Variants in PRKCA observed in about 807,000 individuals in gnomAD.
PRKCA encodes the protein protein kinase C alpha.
Under a neutral mutation model 87.0 loss-of-function variants are expected in PRKCA, and 27 were observed. That is an observed-to-expected ratio of 0.31 (90% CI 0.23 to 0.43). PRKCA has a LOEUF of 0.43. Among genes scored for constraint, PRKCA ranks in the 20% least tolerant of loss-of-function variants. The pLI is 1.00. For synonymous variants in PRKCA, 329 were observed against 311.1 expected, an observed-to-expected ratio of 1.06 and a Z score of -0.61; for missense variants, 518 against 852.3, an observed-to-expected ratio of 0.61 and a Z score of 4.88.
intron 5 of PRKCA, among the ~76,000 whole-genome samples, chr17:66,674,229 G>T (rs1487123697): frequency 6.6e-6 from 1 of 152,236 alleles, no homozygotes; most frequent in Non-Finnish European, 1.5e-5. Context: ...GGCTAGGCTG[G>T]CAGGAGAGTG....
chr17:66,327,168 C>T (rs1339851831), intron 2 of PRKCA, among the ~76,000 whole-genome samples: 1 of 151,846 alleles, frequency 6.6e-6, no homozygotes, highest in African/African-American at 2.4e-5. Context: ...CAGGAGAGAC[C>T]ATCCTGGCTA....
chr17:66,335,425 A>G (rs1906601698), intron 2 of PRKCA, among the ~76,000 whole-genome samples: 1 of 151,946 alleles, frequency 6.6e-6, no homozygotes, highest in Admixed American at 6.6e-5. Flanking sequence ...GAGAGCCTCT[A>G]CACATAGTGG....
intron 2 of PRKCA, among the ~76,000 whole-genome samples, chr17:66,436,051 TG>T (rs974606430): frequency 6.6e-6 from 1 of 152,096 alleles, no homozygotes; most frequent in Non-Finnish European, 1.5e-5. Flanking sequence ...TGGTGATGGC[TG>T]GCAGGGGAAA....
intron 3 of PRKCA, chr17:66,638,317 A>T (rs1971199823): frequency 6.6e-6 from 1 of 152,122 alleles, no homozygotes; most frequent in Non-Finnish European, 1.5e-5. Flanking sequence ...TGAAACAGAG[A>T]TGAGCGTTGT....
chr17:66,455,185 C>T (rs963266184), intron 2 of PRKCA, among the ~76,000 whole-genome samples: 14 of 152,328 alleles, frequency 9.2e-5, no homozygotes, highest in Admixed American at 3.9e-4. Flanking sequence ...ATTCTCCCCA[C>T]GAACTGACTT....
rs1490617325 is a variant in PRKCA, at chr17:66,752,824, A to T, written c.1524+10064A>T. On this transcript the variant is annotated intron_variant, in intron 13 of 16. Transcript: ENST00000413366. ...CTTCTTGACATGGTGCTGGCTACTA[A>T]AAGGCCAAAAACAGAAGCCACAGGC... Among the ~76,000 whole-genome samples the T allele has an allele frequency of 3.3e-5, 5 of 152,254 alleles. No homozygotes were observed. The East Asian group carries it at 9.7e-4, about 29-fold the overall frequency.
intron 2 of PRKCA, among the ~76,000 whole-genome samples, chr17:66,419,848 A>G (rs1912384129): frequency 6.6e-6 from 1 of 152,102 alleles, no homozygotes; most frequent in South Asian, 2.1e-4. Flanking sequence ...CATGATTGGG[A>G]AAGTCTCCAA....
At chr17:66,545,244 C>G (rs534133839) in intron 3 of PRKCA, among the ~76,000 whole-genome samples, 28 of 152,126 alleles carry the variant, frequency 1.8e-4, no homozygotes, top group South Asian at 4.2e-4. Context: ...CTGGCTAACA[C>G]GGTGAAACCC....
intron 2 of PRKCA, among the ~76,000 whole-genome samples, chr17:66,362,317 C>T (rs941931825): frequency 6.6e-6 from 1 of 152,170 alleles, no homozygotes; most frequent in Non-Finnish European, 1.5e-5. Flanking sequence ...GGATTACAGG[C>T]ATGAGCCACC....
chr17:66,505,763 C>T (rs900845487), intron 3 of PRKCA, among the ~76,000 whole-genome samples: 5 of 152,190 alleles, frequency 3.3e-5, no homozygotes, highest in African/African-American at 9.7e-5. Context: ...GACATCAAGT[C>T]TGGGAACAGA....
chr17:66,413,461 C>T (rs1030883921), intron 2 of PRKCA, among the ~76,000 whole-genome samples: 4 of 152,064 alleles, frequency 2.6e-5, no homozygotes, highest in African/African-American at 7.2e-5. Flanking sequence ...CAATTCAACC[C>T]GCAGCCTCTC....
chr17:66,478,102 G>A (rs1280886711), intron 2 of PRKCA, among the ~76,000 whole-genome samples: 4 of 152,192 alleles, frequency 2.6e-5, no homozygotes, highest in Non-Finnish European at 5.9e-5. Context: ...TAAAGGGGAA[G>A]GAGGAAGAAA....
chr17:66,425,265 C>T (rs1043921021), intron 2 of PRKCA, among the ~76,000 whole-genome samples: 29 of 152,276 alleles, frequency 1.9e-4, no homozygotes, highest in Non-Finnish European at 7.4e-5. Flanking sequence ...GACCCTTCTT[C>T]TCCCACCTCC....
intron 5 of PRKCA, among the ~76,000 whole-genome samples, chr17:66,658,854 C>T (rs1422170366): frequency 6.6e-6 from 1 of 152,124 alleles, no homozygotes; most frequent in Non-Finnish European, 1.5e-5. Context: ...TCCAGCAGCC[C>T]CAACCAAGAA....
At chr17:66,624,097 T>C in intron 3 of PRKCA, among the ~76,000 whole-genome samples, 1 of 152,044 alleles carries the variant, frequency 6.6e-6, no homozygotes, top group East Asian at 1.9e-4. Flanking sequence ...GTAGCCGGAC[T>C]AAGTAGGCAC....
intron 5 of PRKCA, among the ~76,000 whole-genome samples, chr17:66,674,160 G>A (rs73997132): frequency 0.036 from 5,480 of 152,300 alleles, 345 homozygotes; most frequent in African/African-American, 0.12. Flanking sequence ...GATGCGAGGG[G>A]GTGTGGCCCT....
At position 66,630,742 on chromosome 17, in the gene PRKCA, C is replaced by T. The variant is rs139754639; in HGVS notation, c.289-10613C>T. ...GCTAAAATTACATCTACAAGGTGGACGGTTTCATTGGGCATCACCAACTTG... is the reference window on the plus strand; with the variant it reads ...GCTAAAATTACATCTACAAGGTGGATGGTTTCATTGGGCATCACCAACTTG... On this transcript the variant is annotated intron_variant, in intron 3 of 16. Transcript: ENST00000413366. Among the ~76,000 whole-genome samples the T allele has an allele frequency of 6.2e-4, 94 of 152,256 alleles. No individual in the cohort carries two copies. The East Asian group carries it at 0.017, about 27-fold the overall frequency.
Position 66,755,915 on chromosome 17 carries a change from C to T in PRKCA, c.1524+13155C>T, listed in dbSNP as rs1198500566. Among the ~76,000 whole-genome samples, 4 of 152,154 alleles carry T rather than the reference C, an allele frequency of 2.6e-5. No homozygotes were observed. In the East Asian group the frequency reaches 7.7e-4, roughly 29 times the overall value. On this transcript the variant is annotated intron_variant, in intron 13 of 16. Transcript: ENST00000413366. ...GGAAAAATGAGGTAACAGGGCAAAC[C>T]ACTGTCCCCAAAATTAGACAGACAG...
At chr17:66,496,984 C>T (rs1055747143) in intron 3 of PRKCA, among the ~76,000 whole-genome samples, 9 of 152,168 alleles carry the variant, frequency 5.9e-5, no homozygotes, top group Non-Finnish European at 7.3e-5. Context: ...CCAATAGGAG[C>T]ATCATTGCTT....
Sources: gnomAD v4.1 joint callset for allele counts (sites outside exome capture counted in the v4.1 genomes callset) on GRCh38, gnomAD v4.1.1 for gene constraint, MANE v1.5 for transcripts, NCBI Gene and HGNC (gene_info 2026-07-23, HGNC 2026-07-21) for gene names.